PJA2: variants seen among roughly 807,000 people sequenced by gnomAD.
PJA2 encodes the protein E3 ubiquitin-protein ligase Praja-2.
PJA2 carries 25 observed loss-of-function variants against 69.3 expected under a neutral mutation model. The ratio of observed to expected loss-of-function variants is 0.36; its 90% CI spans 0.26 to 0.50. PJA2 has a LOEUF of 0.50. Ranked by LOEUF, PJA2 falls within the 20% of genes least tolerant of loss-of-function variation. The pLI, the probability that PJA2 is intolerant of heterozygous loss-of-function variation, is 0.96. For synonymous variants in PJA2, 308 were observed against 277.8 expected (o/e 1.11, Z -1.08); for missense variants, 809 against 830.2 (o/e 0.97, Z 0.31).
At chr5:109,393,391 A>C (rs1747324082) in intron 1 of PJA2, among the ~76,000 whole-genome samples, 1 of 152,254 alleles carries the variant, frequency 6.6e-6, no homozygotes, top group Non-Finnish European at 1.5e-5. Context: ...GTAAATATAC[A>C]TCTCTGCATT....
In PJA2 at chr5:109,379,245, G is replaced by A; in HGVS notation, c.242C>T (p.Pro81Leu). The change falls in exon 4 of 10, where the codon CCT (proline) becomes CTT (leucine). Residue 81 changes from proline (P) to leucine (L), a missense_variant. Coordinates refer to ENST00000361189, the MANE Select transcript of PJA2 (RefSeq NM_014819.5). ...VPKENSSGSS[P>L]LDQVDSSLPS... ...TAAAGAAGAATCAACTTGATCCAAA[G>A]GACTGGAACCTTCATAAAAAACAAA... is the stretch of plus-strand genomic sequence containing the variant. 1 of 1,588,010 alleles carries A rather than the reference G, an allele frequency of 6.3e-7. No homozygotes were observed. The highest frequency in any genetic ancestry group is 2.2e-5 in the East Asian group (1 of 44,614).
intron 1 of PJA2, among the ~76,000 whole-genome samples, chr5:109,388,972 G>A (rs1405138820): frequency 1.3e-5 from 2 of 152,088 alleles, no homozygotes; most frequent in Non-Finnish European, 2.9e-5. Context: ...ATGCATTTAT[G>A]ACAAACTATG....
chr5:109,355,489 G>A (rs751634701), intron 7 of PJA2, among the ~76,000 whole-genome samples: 2 of 152,166 alleles, frequency 1.3e-5, no homozygotes, highest in Non-Finnish European at 1.5e-5. Flanking sequence ...GCTGGGATAA[G>A]GAGGAGCAAA....
chr5:109,392,528 T>C (rs1747305062), intron 1 of PJA2, among the ~76,000 whole-genome samples: 1 of 132,398 alleles, frequency 7.6e-6, no homozygotes, highest in African/African-American at 3.0e-5. Flanking sequence ...CCCAATGCAC[T>C]CCAGCCTGGG....
At chr5:109,349,210 G>A (rs1262958118) in intron 7 of PJA2, among the ~76,000 whole-genome samples, 1 of 152,184 alleles carries the variant, frequency 6.6e-6, no homozygotes, top group Non-Finnish European at 1.5e-5. Flanking sequence ...GTGCTGGAAT[G>A]TTCCATTTAT....
intron 7 of PJA2, among the ~76,000 whole-genome samples, chr5:109,353,411 A>AGATATCTATATATTAGATACCTATATC (rs1762309113): frequency 7.9e-6 from 1 of 126,310 alleles, no homozygotes; most frequent in Non-Finnish European, 1.7e-5. Context: ...ACCTATATCT[A>AGATATCTATATATTAGATACCTATATC]TAGACATCTA....
intron 7 of PJA2, among the ~76,000 whole-genome samples, chr5:109,351,116 T>TA (rs35779470): frequency 0.45 from 61,681 of 138,008 alleles, 15,666 homozygotes; most frequent in Non-Finnish European, 0.59. Flanking sequence ...ATCCTTTGCT[T>TA]AAAAAAAAAA....
At chr5:109,398,280 A>C (rs1457892189) in intron 1 of PJA2, among the ~76,000 whole-genome samples, 1 of 152,190 alleles carries the variant, frequency 6.6e-6, no homozygotes, top group Non-Finnish European at 1.5e-5. Context: ...TACTGGGTAT[A>C]TACCCAAAGG....
chr5:109,385,403 C>T (rs1055111595), intron 1 of PJA2, among the ~76,000 whole-genome samples: 3 of 151,930 alleles, frequency 2.0e-5, no homozygotes, highest in African/African-American at 4.8e-5. Flanking sequence ...GAAAGAAGGT[C>T]GAGGTTGACT....
At chr5:109,388,489 C>CG (rs1747209900) in intron 1 of PJA2, among the ~76,000 whole-genome samples, 1 of 152,142 alleles carries the variant, frequency 6.6e-6, no homozygotes, top group East Asian at 1.9e-4. Flanking sequence ...AGTTACTCTA[C>CG]TCTCTTATCC....
chr5:109,407,312 A>AT (rs1484313564), intron 1 of PJA2, among the ~76,000 whole-genome samples: 1 of 151,426 alleles, frequency 6.6e-6, no homozygotes, highest in African/African-American at 2.4e-5. Flanking sequence ...ATGTCAAAAA[A>AT]ATATATATAA....
chr5:109,382,121 TATG>T (rs1443573250), intron 2 of PJA2, among the ~76,000 whole-genome samples: 1 of 152,154 alleles, frequency 6.6e-6, no homozygotes, highest in Non-Finnish European at 1.5e-5. Flanking sequence ...AGCATTATGA[TATG>T]ATGGTTTCAA....
rs900225876 is a variant in PJA2 at position 109,379,271 on chromosome 5, A to G, written c.233-17T>C. 6.5e-7 allele frequency: 1 copy of G among 1,535,006 alleles called. No individual in the cohort carries two copies. Among genetic ancestry groups the G allele is most frequent in the African/African-American group, 1.4e-5 (1 of 71,780 alleles). ...GACTGGAACCTTCATAAAAAACAAA[A>G]GAAAACATATTTTAAAGGATTAACT... On this transcript the variant is annotated splice_polypyrimidine_tract_variant and intron_variant, in intron 3 of 9. Coordinates refer to ENST00000361189, the MANE Select transcript of PJA2 (RefSeq NM_014819.5).
At chr5:109,356,145 C>G (rs1200733371) in intron 6 of PJA2, 119 bp from the exon 7 acceptor site, 2 of 666,858 alleles carry the variant, frequency 3.0e-6, no homozygotes, top group East Asian at 2.7e-5. Flanking sequence ...AACAGAAGAC[C>G]TTAAAATATT....
In PJA2 at chr5:109,378,694, C is replaced by T; in HGVS notation, c.793G>A (p.Val265Ile). 1 of 1,613,844 alleles carries T rather than the reference C, an allele frequency of 6.2e-7. No individual in the cohort carries two copies. The highest frequency in any genetic ancestry group is 1.1e-5 in the South Asian group (1 of 91,076). Residue 265 changes from valine to isoleucine, a missense_variant, in exon 4 of 10, where the codon GTT becomes ATT. Around this residue, in one of 4 missense-constraint regions of PJA2, gnomAD observed 700 missense variants for 639.5 expected, o/e 1.09. Transcript: ENST00000361189. ...EIQRSSQDEM[V>I]STKQQNNTSQ... is the part of the protein sequence containing the mutation. ...GTATTATTTTGTTGTTTCGTACTAA[C>T]CATTTCATCTTGAGAAGACCTCTGA...
chr5:109,371,961 T>C (rs949401167), intron 4 of PJA2, among the ~76,000 whole-genome samples: 4 of 152,204 alleles, frequency 2.6e-5, no homozygotes, highest in African/African-American at 9.7e-5. Flanking sequence ...AAAGGGTAAG[T>C]GAGTTAATAT....
chr5:109,360,057 G>A (rs1242977708), intron 6 of PJA2, among the ~76,000 whole-genome samples: 1 of 152,048 alleles, frequency 6.6e-6, no homozygotes, highest in Non-Finnish European at 1.5e-5. Flanking sequence ...CTTAGTGAAG[G>A]ATACATGAGG....
intron 1 of PJA2, among the ~76,000 whole-genome samples, chr5:109,392,690 G>C (rs1747309871): frequency 6.6e-6 from 1 of 152,072 alleles, no homozygotes; most frequent in Admixed American, 6.5e-5. Context: ...ACCAACACAG[G>C]AACAGAGTCC....
At chr5:109,346,240 C>T (rs1210993095) in intron 7 of PJA2, among the ~76,000 whole-genome samples, 2 of 152,200 alleles carry the variant, frequency 1.3e-5, no homozygotes, top group Non-Finnish European at 2.9e-5. Flanking sequence ...AAGACCTTGG[C>T]TTCTTTTTAG....
Sources: gnomAD v4.1 joint callset for allele counts (sites outside exome capture counted in the v4.1 genomes callset) on GRCh38, gnomAD v4.1.1 for gene constraint, gnomAD v4.1.1 regional missense constraint, MANE v1.5 for transcripts, NCBI Gene and HGNC (gene_info 2026-07-23, HGNC 2026-07-21) for gene names.